LMO7: variants seen among roughly 807,000 people sequenced by gnomAD.
LMO7 encodes the protein LIM domain only protein 7.
A neutral mutation model predicts 206.5 loss-of-function variants in LMO7; 120 were observed. The observed-to-expected ratio is 0.58, with a 90% CI of 0.50 to 0.68. The LOEUF (loss-of-function observed/expected upper bound fraction) is 0.68. LMO7 is among the 30% of genes least tolerant of loss of function. The pLI, the probability that LMO7 is intolerant of heterozygous loss-of-function variation, is 0.00. For synonymous variants in LMO7, 706 were observed against 681.5 expected (o/e 1.04, Z -0.56); for missense variants, 1,959 against 1,957.9 (o/e 1.00, Z -0.01).
At chr13:75,832,967 C>T in intron 15 of LMO7, 84 bp from the exon 16 acceptor site, 1 of 729,590 alleles carries the variant, frequency 1.4e-6, no homozygotes, top group South Asian at 1.6e-5. Context: ...ACCTAGCGTG[C>T]AGTCTCCCTC....
intron 3 of LMO7, among the ~76,000 whole-genome samples, chr13:75,729,888 T>G (rs1042424439): frequency 2.0e-5 from 3 of 151,588 alleles, no homozygotes; most frequent in Non-Finnish European, 2.9e-5. Flanking sequence ...GAGATAATCA[T>G]GTGGTTTTTG....
chr13:75,805,927 C>T (rs1219470631), intron 9 of LMO7, 167 bp downstream of exon 9: 2 of 1,114,328 alleles, frequency 1.8e-6, no homozygotes, highest in Non-Finnish European at 2.5e-6. Flanking sequence ...TAAATTTAAA[C>T]CTGAGGATCT....
chr13:75,802,650 A>T lies in LMO7; in HGVS notation c.662-1639A>T, dbSNP rs573326140. On this transcript the variant is annotated intron_variant, in intron 7 of 30. Coordinates refer to ENST00000377534, the MANE Select transcript of LMO7 (RefSeq NM_001306080.2). ...ACCAAAAGCAGAAGGCCACTGTCAC[A>T]TCCCTTTCTGATCTTGGAAATGGGG... Among the ~76,000 whole-genome samples the T allele has an allele frequency of 1.2e-3, 190 of 152,310 alleles. 3 individuals carry two copies. Among genetic ancestry groups the T allele is most frequent in the Admixed American group, 0.01 (157 of 15,296 alleles).
At chr13:75,633,994 C>A (rs1468630974), upstream of LMO7, among the ~76,000 whole-genome samples, 1 of 124,720 alleles carries the variant, frequency 8.0e-6, no homozygotes, top group African/African-American at 2.8e-5. Context: ...CCACGTCCAG[C>A]TAATTTTTTT....
At chr13:75,632,694 A>G (rs555815984), upstream of LMO7, among the ~76,000 whole-genome samples, 6 of 152,354 alleles carry the variant, frequency 3.9e-5, 1 homozygote, top group Non-Finnish European at 7.3e-5. Flanking sequence ...CAGCAGCTTT[A>G]AATAGTGTAA....
At chr13:75,709,108 C>T (rs2042880037) in intron 1 of LMO7, among the ~76,000 whole-genome samples, 1 of 152,106 alleles carries the variant, frequency 6.6e-6, no homozygotes, top group African/African-American at 2.4e-5. Context: ...TCATCCATGT[C>T]CCTAAAAAGG....
At chr13:75,842,499 ATTG>A (rs2059630436) in intron 24 of LMO7, among the ~76,000 whole-genome samples, 1 of 152,054 alleles carries the variant, frequency 6.6e-6, no homozygotes, top group African/African-American at 2.4e-5. Flanking sequence ...CTTATTTTAT[ATTG>A]TGCATTTATT....
intron 3 of LMO7, among the ~76,000 whole-genome samples, chr13:75,744,704 T>C (rs758043040): frequency 1.3e-5 from 2 of 152,196 alleles, no homozygotes; most frequent in Non-Finnish European, 2.9e-5. Flanking sequence ...CCTGAAAATA[T>C]TTATTGAACA....
chr13:75,784,319 A>G (rs941516694), intron 4 of LMO7, among the ~76,000 whole-genome samples: 24 of 152,220 alleles, frequency 1.6e-4, no homozygotes, highest in Admixed American at 1.4e-3. Context: ...TTGTGCCAGT[A>G]AACATGAGAT....
chr13:75,627,610 CA>C (rs2034373696), intron 2 of LMO7: 1 of 152,086 alleles, frequency 6.6e-6, no homozygotes, highest in African/African-American at 2.4e-5. Flanking sequence ...CACACACACA[CA>C]CACAAATAAA....
At chr13:75,771,786 C>A (rs531201458) in intron 4 of LMO7, among the ~76,000 whole-genome samples, 10 of 151,928 alleles carry the variant, frequency 6.6e-5, no homozygotes, top group East Asian at 5.8e-4. Flanking sequence ...AAATTTTATA[C>A]AAATAATTAA....
In LMO7 at chr13:75,761,035, T is replaced by C; in HGVS notation, c.314T>C (p.Val105Ala). Residue 105 changes from valine (V) to alanine (A), a missense_variant, in exon 4 of 31, where the codon GTC becomes GCC. Physicochemically the swap from Val to Ala is moderately conservative, Grantham distance 64. Transcript: ENST00000377534. ...DLQDLSNRVTVKQEETDRRVK... is the reference protein window; with the variant it reads ...DLQDLSNRVTAKQEETDRRVK... ...CAGGATTTATCAAATCGAGTCACTG[T>C]CAAGTAAGTTTCAACAGTTTGTTAG... The C allele has an allele frequency of 6.2e-7, 1 of 1,600,572 alleles. No individual in the cohort carries two copies. The highest frequency in any genetic ancestry group is 8.5e-7 in the Non-Finnish European group (1 of 1,171,020).
At chr13:75,626,595 A>ATATATTTTTTTTTTTTTTTTTTTTTTT in intron 2 of LMO7, among the ~76,000 whole-genome samples, 1 of 71,172 alleles carries the variant, frequency 1.4e-5, no homozygotes. Flanking sequence ...ATATATATAA[A>ATATATTTTTTTTTTTTTTTTTTTTTTT]TTTTTTTGAG....
At chr13:75,641,148 T>G (rs538833975) in intron 1 of LMO7, among the ~76,000 whole-genome samples, 3 of 152,306 alleles carry the variant, frequency 2.0e-5, no homozygotes, top group African/African-American at 7.2e-5. Context: ...CTGAAGTTCA[T>G]CCGGTGCATC....
intron 25 of LMO7, among the ~76,000 whole-genome samples, chr13:75,844,960 G>A (rs2059870531): frequency 6.6e-6 from 1 of 152,166 alleles, no homozygotes; most frequent in Non-Finnish European, 1.5e-5. Flanking sequence ...AAGTGGGACA[G>A]TCTGACTGTA....
At position 75,853,382 on chromosome 13, in the gene LMO7, G is replaced by A. The variant is rs138426228; in HGVS notation, c.4655G>A (p.Arg1552His). ...GCTTCACAGTCAGGCTCTCAGCTGC[G>A]TAACAGGTGAGGCCCTTGCTGTTTC... The part of the protein sequence containing the change: ...PSASQSGSQL[R>H]NRSVSGKRIC... Residue 1552 changes from arginine to histidine, a missense_variant, in exon 28 of 31, where the codon CGT becomes CAT. Arg to His is a conservative substitution (Grantham distance 29, BLOSUM62 0). Coordinates refer to ENST00000377534, the MANE Select transcript of LMO7 (RefSeq NM_001306080.2). The A allele has an allele frequency of 3.9e-5, 63 of 1,596,940 alleles. No homozygotes were observed. The highest frequency in any genetic ancestry group is 3.7e-4 in the South Asian group (33 of 88,704).
chr13:75,633,114 C>G (rs1310472304), upstream of LMO7, among the ~76,000 whole-genome samples: 1 of 152,058 alleles, frequency 6.6e-6, no homozygotes, highest in African/African-American at 2.4e-5. Flanking sequence ...CCGCCCGCCT[C>G]GGCCTCCCAA....
At chr13:75,758,474 A>G (rs1360899258) in intron 3 of LMO7, among the ~76,000 whole-genome samples, 1 of 152,200 alleles carries the variant, frequency 6.6e-6, no homozygotes, top group Admixed American at 6.5e-5. Flanking sequence ...CTTTGTTTAC[A>G]AAGTTGTACT....
intron 1 of LMO7, among the ~76,000 whole-genome samples, chr13:75,648,307 T>A (rs922015987): frequency 6.6e-6 from 1 of 152,204 alleles, no homozygotes; most frequent in Admixed American, 6.5e-5. Flanking sequence ...TTATTATTTT[T>A]AAAAATCATT....
Sources: gnomAD v4.1 joint callset for allele counts (sites outside exome capture counted in the v4.1 genomes callset) on GRCh38, gnomAD v4.1.1 for gene constraint, MANE v1.5 for transcripts, NCBI Gene and HGNC (gene_info 2026-07-23, HGNC 2026-07-21) for gene names.